C10orf90: variants seen among roughly 807,000 people sequenced by gnomAD.
C10orf90 encodes the protein (E2-independent) E3 ubiquitin-conjugating enzyme FATS.
Under a neutral mutation model 62.5 loss-of-function variants are expected in C10orf90, and 56 were observed. That is an observed-to-expected ratio of 0.90 (90% confidence interval 0.72 to 1.12). C10orf90 has a LOEUF of 1.12. Ranked by LOEUF, C10orf90 falls within the 50% of genes most tolerant of loss-of-function variation. The pLI is 0.00. For synonymous variants in C10orf90, 386 were observed against 340.4 expected (o/e 1.13, Z -1.47); for missense variants, 970 against 880.4 (o/e 1.10, Z -1.29).
In C10orf90 at chr10:126,442,936, G is replaced by A. The variant is rs376959124; in HGVS notation, c.2189-13086C>T. ...ATTGGCTCAAAAACGAAATCAAGAT[G>A]GAAATTAAAAAATTCATCAAACTAA... On this transcript the variant is annotated intron_variant, in intron 7 of 9. Coordinates refer to ENST00000488181, the MANE Select transcript of C10orf90 (RefSeq NM_001350921.2). Among the ~76,000 whole-genome samples the A allele has an allele frequency of 2.6e-5, 4 of 151,636 alleles. No homozygotes were observed. In the South Asian group the frequency reaches 6.2e-4, roughly 24 times the overall value.
intron 1 of C10orf90, among the ~76,000 whole-genome samples, chr10:126,654,087 G>A (rs1846344587): frequency 6.6e-6 from 1 of 152,198 alleles, no homozygotes; most frequent in East Asian, 1.9e-4. Flanking sequence ...CACAGACAGA[G>A]TAGATTTAGC....
intron 2 of C10orf90, among the ~76,000 whole-genome samples, chr10:126,529,989 TA>T (rs1473921287): frequency 6.6e-6 from 1 of 152,118 alleles, no homozygotes; most frequent in South Asian, 2.1e-4. Context: ...TATTGAAATG[TA>T]AAAAAATGGA....
At chr10:126,577,251 C>T (rs1591114802) in intron 2 of C10orf90, among the ~76,000 whole-genome samples, 1 of 151,372 alleles carries the variant, frequency 6.6e-6, no homozygotes, top group East Asian at 1.9e-4. Flanking sequence ...TACTATGTAC[C>T]CCATGAATAT....
rs141486228 is a variant in C10orf90, at chr10:126,564,005, C to T, written c.314-50066G>A. On this transcript the variant is annotated intron_variant, in intron 2 of 9. Transcript: ENST00000488181. ...TGCCTTGTGGGAAGTTAGCAGCATC[C>T]GTGGCCTCCACCCACTGGATGCCCG... Among the ~76,000 whole-genome samples the T allele has an allele frequency of 6.6e-5, 10 of 152,258 alleles. No homozygotes were observed. The East Asian group carries it at 7.8e-4, about 12-fold the overall frequency.
intron 3 of C10orf90, among the ~76,000 whole-genome samples, chr10:126,510,477 G>T (rs991429558): frequency 2.6e-5 from 4 of 152,154 alleles, no homozygotes; most frequent in African/African-American, 9.7e-5. Flanking sequence ...TCTTTACAAA[G>T]AGATTTCTTT....
chr10:126,627,860 C>A (rs367580879), intron 2 of C10orf90, among the ~76,000 whole-genome samples: 30 of 152,240 alleles, frequency 2.0e-4, no homozygotes, highest in South Asian at 1.2e-3. Context: ...GTAGCTGGGA[C>A]TATCGGCATG....
At chr10:126,483,204 G>T (rs78410841) in intron 4 of C10orf90, among the ~76,000 whole-genome samples, 1,636 of 152,330 alleles carry the variant, frequency 0.011, 32 homozygotes, top group African/African-American at 0.038. Context: ...ACTTGCCAAA[G>T]GCAAACCAAG....
intron 2 of C10orf90, among the ~76,000 whole-genome samples, chr10:126,642,545 A>C (rs1279895832): frequency 6.6e-6 from 1 of 151,976 alleles, no homozygotes; most frequent in Non-Finnish European, 1.5e-5. Context: ...AAAAAAATAC[A>C]AAACCCTGAT....
intron 2 of C10orf90, among the ~76,000 whole-genome samples, chr10:126,593,844 G>GT (rs1204558521): frequency 6.6e-6 from 1 of 152,100 alleles, no homozygotes; most frequent in Admixed American, 6.5e-5. Context: ...GGCTGAGGGT[G>GT]TATCATATTT....
intron 2 of C10orf90, among the ~76,000 whole-genome samples, chr10:126,643,857 G>C (rs956959494): frequency 2.0e-5 from 3 of 152,176 alleles, no homozygotes; most frequent in Non-Finnish European, 4.4e-5. Flanking sequence ...GGAAACACGG[G>C]CTCTAGTCCT....
chr10:126,437,677 T>A (rs1368123485), intron 7 of C10orf90, among the ~76,000 whole-genome samples: 4 of 152,218 alleles, frequency 2.6e-5, no homozygotes, highest in Admixed American at 2.6e-4. Flanking sequence ...GGGACACATT[T>A]ATACTAAAAA....
chr10:126,620,521 T>C lies in C10orf90; in HGVS notation c.313+26044A>G, dbSNP rs12356195. Among the ~76,000 whole-genome samples, 714 of 152,354 alleles carry C rather than the reference T, an allele frequency of 4.7e-3. 2 individuals are homozygous for C. Among genetic ancestry groups the C allele is most frequent in the Non-Finnish European group, 7.0e-3 (479 of 68,034 alleles). On this transcript the variant is annotated intron_variant, in intron 2 of 9. Transcript: ENST00000488181. Reference sequence around the variant, plus strand: ...GATTCATCCTTAGGACACAGTCTTGTTTAAAAGAATGTCATTCATTAATGC... The same window carrying C: ...GATTCATCCTTAGGACACAGTCTTGCTTAAAAGAATGTCATTCATTAATGC...
intron 7 of C10orf90, among the ~76,000 whole-genome samples, chr10:126,458,392 C>T (rs551970834): frequency 1.7e-4 from 26 of 152,234 alleles, no homozygotes; most frequent in African/African-American, 6.0e-4. Context: ...TCTGATGTCC[C>T]CCATCCTTAC....
intron 2 of C10orf90, among the ~76,000 whole-genome samples, chr10:126,552,372 T>C (rs1242134455): frequency 3.9e-5 from 6 of 152,186 alleles, no homozygotes; most frequent in Non-Finnish European, 8.8e-5. Flanking sequence ...AAATTTGCAT[T>C]TGTCTTAGTT....
intron 2 of C10orf90, among the ~76,000 whole-genome samples, chr10:126,631,530 C>A (rs536335578): frequency 6.6e-6 from 1 of 152,048 alleles, no homozygotes; most frequent in Non-Finnish European, 1.5e-5. Context: ...TTGATGCTTG[C>A]CTTTCCTGAA....
chr10:126,523,386 T>C (rs1160099709), intron 2 of C10orf90: 1 of 152,234 alleles, frequency 6.6e-6, no homozygotes, highest in Non-Finnish European at 1.5e-5. Flanking sequence ...CAAACATTTA[T>C]GGAGAAGATA....
intron 2 of C10orf90, among the ~76,000 whole-genome samples, chr10:126,534,550 T>C (rs1864184049): frequency 6.6e-6 from 1 of 152,174 alleles, no homozygotes; most frequent in Non-Finnish European, 1.5e-5. Context: ...AGTATCATTG[T>C]TGTCATTGAG....
intron 2 of C10orf90, among the ~76,000 whole-genome samples, chr10:126,624,665 T>A (rs1845708707): frequency 6.6e-6 from 1 of 152,176 alleles, no homozygotes; most frequent in Non-Finnish European, 1.5e-5. Context: ...ATTGTTTTAT[T>A]TCCTGCTTAT....
At chr10:126,510,876 C>A (rs941177753) in intron 3 of C10orf90, among the ~76,000 whole-genome samples, 1 of 152,216 alleles carries the variant, frequency 6.6e-6, no homozygotes, top group Non-Finnish European at 1.5e-5. Context: ...GGAATCGGCT[C>A]CTAAGCCACT....
Sources: allele counts gnomAD v4.1 joint callset (sites outside exome capture counted in the v4.1 genomes callset), GRCh38; gene constraint gnomAD v4.1.1; transcripts MANE v1.5; gene names NCBI Gene and HGNC (gene_info 2026-07-23, HGNC 2026-07-21).